The following DPH7 variants were observed in gnomAD, a reference collection of about 807,000 sequenced individuals.
DPH7 encodes the protein diphthine methyltransferase.
DPH7 carries 44 observed loss-of-function variants against 41.7 expected under a neutral mutation model. The ratio of observed to expected loss-of-function variants is 1.05; its 90% CI spans 0.83 to 1.36. The LOEUF (loss-of-function observed/expected upper bound fraction) is 1.36. Ranked by LOEUF, DPH7 falls within the 40% of genes most tolerant of loss-of-function variation. The probability of loss-of-function intolerance (pLI) is 0.00; values close to 1 mark genes in which losing one functional copy is unlikely to be tolerated. For missense variants in DPH7, 629 were observed against 577.5 expected (o/e 1.09, Z -0.91); for synonymous variants, 275 against 238.0 (o/e 1.16, Z -1.43).
intron 8 of DPH7, among the ~76,000 whole-genome samples, chr9:137,563,019 T>C (rs1279740372): frequency 2.0e-5 from 3 of 151,174 alleles, no homozygotes; most frequent in Non-Finnish European, 2.9e-5. Flanking sequence ...TGGCTTGGCA[T>C]GGGGGTCCCA....
rs1564473568 is a variant in DPH7 at position 137,577,453 on chromosome 9, G to T, written c.287+17C>A. ...TCATGACAAATTCTACACCCAGTGG[G>T]ATTATCACAGTTATACCATTTCATG... On this transcript the variant is annotated intron_variant, in intron 2 of 8. Coordinates refer to ENST00000277540, the MANE Select transcript of DPH7 (RefSeq NM_138778.5). 1 of 1,611,932 alleles carries T rather than the reference G, an allele frequency of 6.2e-7. No individual in the cohort carries two copies.
At chr9:137,576,013 C>T in intron 3 of DPH7, 67 bp downstream of exon 3, 6 of 1,604,764 alleles carry the variant, frequency 3.7e-6, no homozygotes, top group South Asian at 1.1e-5. Flanking sequence ...TGTATCAGCA[C>T]AGCCTCCTCC....
At chr9:137,561,688 A>G (rs1375566582) in intron 8 of DPH7, among the ~76,000 whole-genome samples, 1 of 152,138 alleles carries the variant, frequency 6.6e-6, no homozygotes, top group Non-Finnish European at 1.5e-5. Flanking sequence ...AAAACAAAAA[A>G]TGTTACTAGA....
chr9:137,555,646 C>A lies in DPH7; in HGVS notation c.952G>T (p.Glu318Ter). ...KILNCQKAME[E>*]RQEATVLTSH... ...GTCAGGACCGTCGCCTCCTGCCTCT[C>A]CTCTGGAGTGAGAGATGGGAGAACC... The change falls in exon 9 of 9, where the codon GAG (glutamate) becomes TAG (stop). Residue 318 changes from glutamate to a stop codon, truncating the protein, a stop_gained and splice_region_variant. Coordinates refer to ENST00000277540, the MANE Select transcript of DPH7 (RefSeq NM_138778.5). LOFTEE classifies it low-confidence loss of function (END_TRUNC). The A allele has an allele frequency of 6.3e-7, 1 of 1,587,378 alleles. No homozygotes were observed. Among genetic ancestry groups the A allele is most frequent in the East Asian group, 2.2e-5 (1 of 44,536 alleles).
Position 137,574,214 on chromosome 9 carries a change from A to G in DPH7, c.634T>C (p.Tyr212His), listed in dbSNP as rs1840982154. Reference protein sequence around the residue: ...AFNYWHPEIVYSGGDDGLLRG... With the variant: ...AFNYWHPEIVHSGGDDGLLRG... ...CCGGTGGAGGAATACTGACCTGAAT[A>G]CACAATTTCTGGATGCCAGTAATTG... The change falls in exon 5 of 9, where the codon TAT (tyrosine) becomes CAT (histidine). Residue 212 changes from tyrosine (Y) to histidine (H), a missense_variant. Physicochemically the swap from Tyr to His is moderately conservative, Grantham distance 83 (BLOSUM62 2). Transcript: ENST00000277540. The G allele has an allele frequency of 6.2e-7, 1 of 1,613,994 alleles. No individual in the cohort carries two copies. Among genetic ancestry groups the G allele is most frequent in the African/African-American group, 1.3e-5 (1 of 74,930 alleles).
At chr9:137,572,595 G>A (rs1588911328) in intron 5 of DPH7, among the ~76,000 whole-genome samples, 2 of 152,046 alleles carry the variant, frequency 1.3e-5, no homozygotes, top group African/African-American at 4.8e-5. Context: ...TCTTTTCTTC[G>A]GCTGTTTGCA....
intron 8 of DPH7, among the ~76,000 whole-genome samples, chr9:137,560,728 C>T (rs1373166240): frequency 2.0e-5 from 3 of 150,738 alleles, no homozygotes; most frequent in South Asian, 2.1e-4. Flanking sequence ...TGGTGGTGGG[C>T]GCCTGTAGTC....
intron 1 of DPH7, chr9:137,578,409 G>A (rs889465582): frequency 1.6e-4 from 75 of 461,042 alleles, no homozygotes; most frequent in Non-Finnish European, 2.5e-4. Context: ...CTCGTGATCC[G>A]TCCGCCTCGG....
At chr9:137,570,988 G>A (rs1840332416) in intron 5 of DPH7, among the ~76,000 whole-genome samples, 1 of 152,090 alleles carries the variant, frequency 6.6e-6, no homozygotes. Flanking sequence ...CTGGGTGAAA[G>A]CAGGGACTTT....
At chr9:137,574,131 G>A (rs917310549) in intron 5 of DPH7, 77 bp downstream of exon 5, 4 of 1,452,738 alleles carry the variant, frequency 2.8e-6, no homozygotes, top group South Asian at 1.2e-5. Flanking sequence ...CACAGCTGTG[G>A]CACAGGCCTC....
At chr9:137,562,225 A>G (rs1421991794) in intron 8 of DPH7, among the ~76,000 whole-genome samples, 7 of 152,130 alleles carry the variant, frequency 4.6e-5, no homozygotes, top group Admixed American at 6.5e-5. Flanking sequence ...AGATCTGAAC[A>G]TTATAAAGCC....
At chr9:137,560,902 G>A (rs1838423708) in intron 8 of DPH7, among the ~76,000 whole-genome samples, 2 of 150,048 alleles carry the variant, frequency 1.3e-5, no homozygotes, top group Non-Finnish European at 3.0e-5. Context: ...GGCACCTGTA[G>A]TCCCAGCTAC....
intron 5 of DPH7, among the ~76,000 whole-genome samples, chr9:137,572,135 G>C (rs1840545370): frequency 1.3e-5 from 2 of 152,156 alleles, no homozygotes; most frequent in Admixed American, 1.3e-4. Context: ...GCGGAGGTGA[G>C]GCCTGCCTGG....
chr9:137,575,885 G>A (rs1841291859), intron 3 of DPH7, 195 bp downstream of exon 3: 9 of 1,400,056 alleles, frequency 6.4e-6, no homozygotes, highest in Non-Finnish European at 8.4e-6. Flanking sequence ...GACACATGAG[G>A]TGACTTCCTC....
At chr9:137,570,537 A>G (rs928152318) in intron 5 of DPH7, among the ~76,000 whole-genome samples, 27 of 152,318 alleles carry the variant, frequency 1.8e-4, no homozygotes, top group African/African-American at 6.0e-4. Flanking sequence ...CTAGACTCAC[A>G]TTCACCAAAG....
Position 137,578,636 on chromosome 9 carries a change from G to A in DPH7, c.142C>T (p.Pro48Ser). ...LRRPEDRPAG[P>S]QNKGGMEVKE... ...CGCGGCGCGCGCACCTTGTTCTGGG[G>A]GCCGGCAGGCCGGTCCTCCGGCCGC... Residue 48 changes from proline (P) to serine (S), a missense_variant, in exon 1 of 9, where the codon CCC becomes TCC. Physicochemically the swap from Pro to Ser is moderately conservative, Grantham distance 74. Coordinates refer to ENST00000277540, the MANE Select transcript of DPH7 (RefSeq NM_138778.5). 6.6e-7 allele frequency: 1 copy of A among 1,510,982 alleles called. No homozygotes were observed. Among genetic ancestry groups the A allele is most frequent in the Non-Finnish European group, 8.8e-7 (1 of 1,135,070 alleles). The allele number at this position is 1,510,982 out of a possible 1,614,324, so 93.6% of individuals were successfully genotyped here. A position where few individuals can be genotyped will look rare whatever the true frequency, so the allele number is the denominator to read the frequency against.
chr9:137,578,739 C>T lies in DPH7; in HGVS notation c.39G>A (p.Glu13=), dbSNP rs1388077295. The T allele has an allele frequency of 6.5e-7, 1 of 1,527,400 alleles. No individual in the cohort carries two copies. The highest frequency in any genetic ancestry group is 8.8e-7 in the Non-Finnish European group (1 of 1,138,780). 94.6% of individuals were successfully genotyped at this position (1,527,400 alleles called of 1,614,324 possible). The stretch of plus-strand genomic sequence containing the variant: ...ACCACTCCACCGAGTCCGCGGTCAG[C>T]TCGGTGTCCACCGTTTGCAGGGCGA... ...GCFALQTVDT[E]LTADSVEWCP... Residue 13 remains glutamate (E), a synonymous_variant, in exon 1 of 9, where the codon GAG becomes GAA. Transcript: ENST00000277540.
intron 5 of DPH7, among the ~76,000 whole-genome samples, chr9:137,570,488 A>C (rs969583559): frequency 6.6e-6 from 1 of 152,174 alleles, no homozygotes; most frequent in Non-Finnish European, 1.5e-5. Flanking sequence ...TCACCTGCCC[A>C]ATGTCAAGTC....
intron 8 of DPH7, among the ~76,000 whole-genome samples, chr9:137,558,284 C>G (rs552658110): frequency 2.6e-5 from 4 of 152,318 alleles, no homozygotes; most frequent in African/African-American, 9.6e-5. Context: ...AATCCCGACA[C>G]TGAGGACTGA....
Sources: allele counts gnomAD v4.1 joint callset (sites outside exome capture counted in the v4.1 genomes callset), GRCh38; gene constraint gnomAD v4.1.1; transcripts MANE v1.5; gene names NCBI Gene and HGNC (gene_info 2026-07-23, HGNC 2026-07-21).